The following ZNF708 variants were observed in gnomAD, a reference collection of about 807,000 sequenced individuals.
ZNF708 encodes the protein zinc finger protein 708.
ZNF708 carries 44 observed loss-of-function variants against 47.0 expected under a neutral mutation model. The ratio of observed to expected loss-of-function variants is 0.94; its 90% confidence interval spans 0.74 to 1.20. ZNF708 has a LOEUF of 1.20. ZNF708 is among the 50% of genes most tolerant of loss of function. ZNF708 has a pLI of 0.00. For synonymous variants in ZNF708, 184 were observed against 218.5 expected, an observed-to-expected ratio of 0.84 and a Z score of 1.39; for missense variants, 557 against 656.0, an observed-to-expected ratio of 0.85 and a Z score of 1.65.
chr19:21,317,198 T>G (rs1326974791), intron 1 of ZNF708, among the ~76,000 whole-genome samples: 1 of 151,910 alleles, frequency 6.6e-6, no homozygotes, highest in African/African-American at 2.4e-5. Flanking sequence ...GAAAATCACT[T>G]GAACACAGGA....
Position 21,316,079 on chromosome 19 carries a change from A to AC in ZNF708, c.4-5453_4-5452insG, listed in dbSNP as rs1208189088. ...AGTGAAACCTGTCTCAAAAAAAAAA[A>AC]AACCTTTTATATAGGAAATGCAAAT... On this transcript the variant is annotated intron_variant, in intron 1 of 3. Coordinates refer to ENST00000356929, the MANE Select transcript of ZNF708 (RefSeq NM_021269.3). Among the ~76,000 whole-genome samples the AC allele has an allele frequency of 2.0e-3, 308 of 150,976 alleles. 2 individuals carry two copies. Among genetic ancestry groups the AC allele is most frequent in the Middle Eastern group, 3.4e-3 (1 of 294 alleles).
intron 1 of ZNF708, among the ~76,000 whole-genome samples, chr19:21,316,246 TCC>T (rs922144356): frequency 6.9e-6 from 1 of 144,360 alleles, no homozygotes; most frequent in Non-Finnish European, 1.5e-5. Flanking sequence ...TGCCTCAGCC[TCC>T]CGAGTAGCTG....
intron 1 of ZNF708, chr19:21,318,404 A>G (rs771999598): frequency 5.9e-5 from 9 of 152,212 alleles, no homozygotes; most frequent in South Asian, 2.1e-4. Context: ...GAAGAGAAAA[A>G]CAGCTCTTGG....
chr19:21,322,476 T>G, intron 1 of ZNF708, among the ~76,000 whole-genome samples: 1 of 152,098 alleles, frequency 6.6e-6, no homozygotes, highest in East Asian at 1.9e-4. Context: ...TTATTTTTTC[T>G]ATCTGTAGTA....
chr19:21,304,835 T>C (rs943141124), intron 3 of ZNF708, among the ~76,000 whole-genome samples: 7 of 152,178 alleles, frequency 4.6e-5, no homozygotes, highest in African/African-American at 1.7e-4. Flanking sequence ...ATCATGTCAC[T>C]GCACTACAGC....
intron 3 of ZNF708, among the ~76,000 whole-genome samples, chr19:21,299,880 CT>C (rs1383464253): frequency 6.6e-6 from 1 of 151,790 alleles, no homozygotes; most frequent in Admixed American, 6.6e-5. Flanking sequence ...TTAAAAATAT[CT>C]TTAAATCCAA....
rs1973331614 is a variant in ZNF708 at position 21,329,395 on chromosome 19, A to T, written c.-183T>A. ...ACCCGGAAGCCGCCCTGTCCGGTCC[A>T]GCTGCGTGTCTGAGTGAACTGTCCC... On this transcript the variant is annotated 5_prime_UTR_variant, in exon 1 of 4. Coordinates refer to ENST00000356929, the MANE Select transcript of ZNF708 (RefSeq NM_021269.3). The T allele has an allele frequency of 2.0e-5, 17 of 856,586 alleles. No homozygotes were observed. The highest frequency in any genetic ancestry group is 2.9e-5 in the Non-Finnish European group (16 of 549,876). 53.1% of individuals were successfully genotyped at this position (856,586 alleles called of 1,614,324 possible).
At chr19:21,301,638 C>A (rs1762579) in intron 3 of ZNF708, among the ~76,000 whole-genome samples, 2,067 of 148,000 alleles carry the variant, frequency 0.014, 51 homozygotes, top group African/African-American at 0.043. Context: ...AACAAACAAA[C>A]AAAAAAAAAT....
At chr19:21,318,777 T>C (rs1973066882) in intron 1 of ZNF708, 1 of 152,180 alleles carries the variant, frequency 6.6e-6, no homozygotes, top group African/African-American at 2.4e-5. Flanking sequence ...GCTTGCCGCA[T>C]AACTAACTGA....
At chr19:21,317,143 G>A (rs889158145) in intron 1 of ZNF708, among the ~76,000 whole-genome samples, 2 of 151,712 alleles carry the variant, frequency 1.3e-5, no homozygotes, top group African/African-American at 4.8e-5. Context: ...AGCCAGGCAT[G>A]GTGGTGAGCA....
intron 1 of ZNF708, among the ~76,000 whole-genome samples, chr19:21,312,719 C>T (rs546500466): frequency 1.4e-4 from 22 of 152,186 alleles, no homozygotes; most frequent in African/African-American, 4.8e-4. Flanking sequence ...AAACAAGACC[C>T]CTGTCAATGT....
chr19:21,300,200 A>C (rs945226499), intron 3 of ZNF708, among the ~76,000 whole-genome samples: 3 of 147,588 alleles, frequency 2.0e-5, no homozygotes, highest in South Asian at 2.2e-4. Context: ...CAACAGAGCA[A>C]GACTCCGTCT....
At position 21,319,096 on chromosome 19, in the gene ZNF708, T is replaced by TA. The variant is rs1369887664; in HGVS notation, c.4-8470dup. ...ATTTCAGAAGTATAAATAACAATAT[T>TA]AAAATGACTGCTTAGGAGATTCAAA... On this transcript the variant is annotated intron_variant, in intron 1 of 3. Coordinates refer to ENST00000356929, the MANE Select transcript of ZNF708 (RefSeq NM_021269.3). Among the ~76,000 whole-genome samples, 8 of 152,308 alleles carry TA rather than the reference T, an allele frequency of 5.3e-5. No individual in the cohort carries two copies. The East Asian group carries it at 1.5e-3, about 29-fold the overall frequency.
chr19:21,317,722 C>G (rs1973044397), intron 1 of ZNF708, among the ~76,000 whole-genome samples: 1 of 152,232 alleles, frequency 6.6e-6, no homozygotes, highest in Non-Finnish European at 1.5e-5. Flanking sequence ...AATTAGTCCA[C>G]AAGTCGAAGA....
At chr19:21,300,345 A>G (rs887542648) in intron 3 of ZNF708, among the ~76,000 whole-genome samples, 9 of 152,076 alleles carry the variant, frequency 5.9e-5, no homozygotes, top group African/African-American at 1.9e-4. Flanking sequence ...CATCTCTACT[A>G]AAAATACAAA....
intron 1 of ZNF708, among the ~76,000 whole-genome samples, chr19:21,322,862 T>C (rs1476555901): frequency 6.6e-6 from 1 of 152,214 alleles, no homozygotes; most frequent in East Asian, 1.9e-4. Flanking sequence ...GCACAGGCCC[T>C]GACTCAGTCC....
In ZNF708 at chr19:21,301,543, G is replaced by A. The variant is rs138930341; in HGVS notation, c.227-6804C>T. 6.3e-3 allele frequency among the ~76,000 whole-genome samples: 957 copies of A among 152,268 alleles called. 9 individuals carry two copies. Among genetic ancestry groups the A allele is most frequent in the South Asian group, 0.023 (113 of 4,828 alleles). Reference sequence around the variant, plus strand: ...AGACAGGAGAGTTGCTTGAACTCGGGAGGTGGAGGTTGCAGTGAGCCAAGA... The same window carrying A: ...AGACAGGAGAGTTGCTTGAACTCGGAAGGTGGAGGTTGCAGTGAGCCAAGA... On this transcript the variant is annotated intron_variant, in intron 3 of 3. Transcript: ENST00000356929.
In ZNF708 at chr19:21,329,198, C is replaced by G. The variant is rs746719730; in HGVS notation, c.3+12G>C. On this transcript the variant is annotated intron_variant, in intron 1 of 3. Coordinates refer to ENST00000356929, the MANE Select transcript of ZNF708 (RefSeq NM_021269.3). ...CCTTCCCCTCTCTCGGGATGTCGGA[C>G]GGCACTCTCACCATTTCTAGGCTTC... 1 of 1,612,146 alleles carries G rather than the reference C, an allele frequency of 6.2e-7. No homozygotes were observed. The highest frequency in any genetic ancestry group is 8.5e-7 in the Non-Finnish European group (1 of 1,178,608).
chr19:21,306,999 AT>A (rs1264225042), intron 3 of ZNF708: 1 of 149,618 alleles, frequency 6.7e-6, no homozygotes, highest in Non-Finnish European at 1.5e-5. Context: ...ATAACATAAC[AT>A]AACATAACAT....
Sources: gnomAD v4.1 joint callset for allele counts (sites outside exome capture counted in the v4.1 genomes callset) on GRCh38, gnomAD v4.1.1 for gene constraint, MANE v1.5 for transcripts, NCBI Gene and HGNC (gene_info 2026-07-23, HGNC 2026-07-21) for gene names.